Variants in PREX2 observed in about 807,000 individuals in gnomAD.
The protein encoded by PREX2 is phosphatidylinositol 3,4,5-trisphosphate-dependent Rac exchanger 2 protein.
Under a neutral mutation model 203.2 loss-of-function variants are expected in PREX2, and 107 were observed. The observed-to-expected ratio is 0.53, with a 90% CI of 0.45 to 0.62. The LOEUF (loss-of-function observed/expected upper bound fraction) is 0.62, where lower values mean the gene tolerates loss of function less well. Ranked by LOEUF, PREX2 falls within the 20% of genes least tolerant of loss-of-function variation. The probability of loss-of-function intolerance (pLI) is 0.00; values close to 1 mark genes in which losing one functional copy is unlikely to be tolerated. For synonymous variants in PREX2, 672 were observed against 663.6 expected (o/e 1.01, Z -0.19); for missense variants, 1,777 against 1,955.9 (o/e 0.91, Z 1.72).
intron 27 of PREX2, 170 bp downstream of exon 27, chr8:68,118,814 C>T: frequency 2.7e-6 from 2 of 744,388 alleles, no homozygotes; most frequent in South Asian, 1.4e-5. Context: ...TAGTCTATTT[C>T]CCAATCCCAT....
intron 26 of PREX2, among the ~76,000 whole-genome samples, chr8:68,117,892 A>G (rs1810688989): frequency 6.6e-6 from 1 of 152,208 alleles, no homozygotes; most frequent in East Asian, 1.9e-4. Context: ...ACAGAACAGT[A>G]TTTTGTCTCT....
intron 32 of PREX2, 76 bp downstream of exon 32, chr8:68,134,352 G>T (rs1811069015): frequency 3.4e-6 from 4 of 1,178,242 alleles, no homozygotes; most frequent in African/African-American, 1.5e-5. Context: ...ATAAGAAGTA[G>T]TTATTTCTTT....
chr8:68,083,205 A>G (rs764187506), intron 17 of PREX2, 35 bp from the exon 18 acceptor site: 51 of 1,500,740 alleles, frequency 3.4e-5, no homozygotes, highest in Non-Finnish European at 4.4e-5. Context: ...TTATTAAAAT[A>G]TACTTTGACT....
chr8:68,210,567 T>C (rs1812723346), intron 37 of PREX2, among the ~76,000 whole-genome samples: 1 of 152,194 alleles, frequency 6.6e-6, no homozygotes, highest in African/African-American at 2.4e-5. Context: ...GTCATTTCAT[T>C]GTGAGTTACT....
In PREX2 at chr8:68,099,729, T is replaced by C. The variant is rs2129612567; in HGVS notation, c.2601T>C (p.Cys867=). The stretch of plus-strand genomic sequence containing the variant: ...GTGATGAGCATTTTGTACAAAACTG[T>C]ACCAGCCTAAATTCTCTAAATGAAG... ...AKSDEHFVQN[C]TSLNSLNEVI... The change falls in exon 23 of 40, where the codon TGT becomes TGC. Residue 867 remains cysteine, a synonymous_variant. Transcript: ENST00000288368. The C allele has an allele frequency of 6.2e-7, 1 of 1,614,064 alleles. No homozygotes were observed. The highest frequency in any genetic ancestry group is 8.5e-7 in the Non-Finnish European group (1 of 1,179,968).
At chr8:68,018,530 G>A (rs929279068) in intron 2 of PREX2, among the ~76,000 whole-genome samples, 2 of 152,030 alleles carry the variant, frequency 1.3e-5, no homozygotes, top group African/African-American at 4.8e-5. Context: ...TTTGGAGAAG[G>A]AGGGAGCTGA....
intron 1 of PREX2, among the ~76,000 whole-genome samples, chr8:67,999,939 A>G (rs1418598575): frequency 1.3e-5 from 2 of 152,228 alleles, no homozygotes; most frequent in Admixed American, 6.5e-5. Context: ...AAAACTCTCA[A>G]TAAACTAAGT....
At chr8:68,060,580 T>C in intron 10 of PREX2, 99 bp from the exon 11 acceptor site, 3 of 741,950 alleles carry the variant, frequency 4.0e-6, no homozygotes, top group Non-Finnish European at 6.8e-6. Context: ...CTTTATATTT[T>C]GAGATTCCTT....
intron 35 of PREX2, among the ~76,000 whole-genome samples, chr8:68,167,266 T>G (rs1356110929): frequency 6.6e-6 from 1 of 152,018 alleles, no homozygotes; most frequent in African/African-American, 2.4e-5. Flanking sequence ...GGATCTTTCA[T>G]GACTTGGCCC....
intron 35 of PREX2, among the ~76,000 whole-genome samples, chr8:68,158,020 A>G (rs1030734670): frequency 2.6e-5 from 4 of 151,382 alleles, no homozygotes; most frequent in Admixed American, 6.6e-5. Context: ...TTATAATTCA[A>G]AAGCTTTATT....
intron 33 of PREX2, among the ~76,000 whole-genome samples, chr8:68,139,573 TG>T (rs1213573575): frequency 6.6e-6 from 1 of 152,204 alleles, no homozygotes; most frequent in African/African-American, 2.4e-5. Flanking sequence ...CTCTGACTGC[TG>T]TGTTAAATAG....
In PREX2 at chr8:68,192,540, C is replaced by T. The variant is rs187249571; in HGVS notation, c.4604+15C>T. On this transcript the variant is annotated intron_variant, in intron 37 of 39. Transcript: ENST00000288368. ...GGTGTGCATCGGTATGTGACCCTCC[C>T]GCCTTGCTTGCCTCTTTGTTAGATC... The T allele has an allele frequency of 2.2e-4, 343 of 1,570,996 alleles. 1 individual carries two copies. The highest frequency in any genetic ancestry group is 2.7e-4 in the Non-Finnish European group (316 of 1,155,754).
In PREX2 at chr8:67,979,823, T is replaced by G. The variant is rs77025862; in HGVS notation, c.141+27288T>G. The stretch of plus-strand genomic sequence containing the variant: ...TTTTACATCTTCCCATTCATTTATT[T>G]ATGCAGTAAATATTTATTGAGTGTT... On this transcript the variant is annotated intron_variant, in intron 1 of 39. Transcript: ENST00000288368. Among the ~76,000 whole-genome samples the G allele has an allele frequency of 8.9e-3, 1,357 of 152,342 alleles. 16 individuals are homozygous for G. Among genetic ancestry groups the G allele is most frequent in the African/African-American group, 0.03 (1,240 of 41,574 alleles).
At chr8:68,188,798 A>G (rs1480182614) in intron 35 of PREX2, among the ~76,000 whole-genome samples, 2 of 152,174 alleles carry the variant, frequency 1.3e-5, no homozygotes, top group Non-Finnish European at 2.9e-5. Context: ...CCCACCCTTG[A>G]CACGTGAGGA....
chr8:68,217,963 G>A (rs1481745035), intron 38 of PREX2, among the ~76,000 whole-genome samples: 6 of 101,812 alleles, frequency 5.9e-5, no homozygotes, highest in Non-Finnish European at 1.1e-4. Context: ...CAGGCAGAAA[G>A]GGACTTGATT....
At chr8:68,045,006 G>T (rs1019610627) in intron 8 of PREX2, among the ~76,000 whole-genome samples, 3 of 152,064 alleles carry the variant, frequency 2.0e-5, no homozygotes, top group Admixed American at 2.0e-4. Context: ...TAGCTATGTA[G>T]TTGTTTTTCA....
At position 68,196,478 on chromosome 8, in the gene PREX2, C is replaced by CAT. The variant is rs533436022; in HGVS notation, c.4604+3964_4604+3965dup. 8.8e-3 allele frequency among the ~76,000 whole-genome samples: 1,282 copies of CAT among 145,032 alleles called. 22 individuals are homozygous for CAT. Among genetic ancestry groups the CAT allele is most frequent in the African/African-American group, 0.031 (1,216 of 39,726 alleles). On this transcript the variant is annotated intron_variant, in intron 37 of 39. Coordinates refer to ENST00000288368, the MANE Select transcript of PREX2 (RefSeq NM_024870.4). ...AAAATGGAGACACTATATATATGTA[C>CAT]ATATATATATATGTACATATATATA...
At chr8:68,047,478 T>TAC (rs1808390364) in intron 8 of PREX2, among the ~76,000 whole-genome samples, 7 of 44,412 alleles carry the variant, frequency 1.6e-4, no homozygotes, top group African/African-American at 1.4e-3. Flanking sequence ...TTTATATATA[T>TAC]ATATATATAT....
intron 6 of PREX2, among the ~76,000 whole-genome samples, chr8:68,036,728 C>T (rs1404215439): frequency 1.3e-5 from 2 of 152,046 alleles, no homozygotes; most frequent in East Asian, 3.9e-4. Context: ...GGTGGATCAC[C>T]TGAGGTCGGG....
Sources: gnomAD v4.1 joint callset for allele counts (sites outside exome capture counted in the v4.1 genomes callset) on GRCh38, gnomAD v4.1.1 for gene constraint, MANE v1.5 for transcripts, NCBI Gene and HGNC (gene_info 2026-07-23, HGNC 2026-07-21) for gene names.